The following COL22A1 variants were observed in gnomAD, a reference collection of about 807,000 sequenced individuals.
The protein encoded by COL22A1 is collagen alpha-1(XXII) chain.
In COL22A1, 221 loss-of-function variants were observed where a neutral mutation model predicts 248.9. The observed-to-expected ratio is 0.89, with a 90% CI of 0.80 to 0.99. COL22A1 has a LOEUF of 0.99. COL22A1 is among the 50% of genes least tolerant of loss of function. The pLI is 0.00. For synonymous variants in COL22A1, 891 were observed against 793.4 expected, an observed-to-expected ratio of 1.12 and a Z score of -2.07; for missense variants, 2,240 against 2,179.0, an observed-to-expected ratio of 1.03 and a Z score of -0.56.
intron 3 of COL22A1, among the ~76,000 whole-genome samples, chr8:138,863,792 AATAG>A (rs1274475655): frequency 4.6e-5 from 7 of 152,176 alleles, no homozygotes; most frequent in Non-Finnish European, 1.5e-5. Context: ...ATTCACTTAT[AATAG>A]ATAATCTACA....
chr8:138,755,533 A>AGCAAAGGTGCTG (rs1281625353), intron 19 of COL22A1, 22 bp from the exon 20 acceptor site: 10 of 1,613,934 alleles, frequency 6.2e-6, no homozygotes, highest in Non-Finnish European at 7.6e-6. Flanking sequence ...AGCAAGCATT[A>AGCAAAGGTGCTG]GCAAAGGTGC....
intron 18 of COL22A1, among the ~76,000 whole-genome samples, chr8:138,759,747 AAAGT>A (rs10553578): frequency 0.61 from 93,063 of 151,480 alleles, 29,312 homozygotes; most frequent in East Asian, 0.92. Flanking sequence ...GATGACCAAT[AAAGT>A]AAGATACAAC....
chr8:138,619,401 C>A, intron 53 of COL22A1, 54 bp downstream of exon 53: 1 of 1,532,000 alleles, frequency 6.5e-7, no homozygotes, highest in Non-Finnish European at 9.0e-7. Context: ...GTGGTGAGAG[C>A]CATGTAGCTG....
intron 39 of COL22A1, among the ~76,000 whole-genome samples, chr8:138,682,775 C>T (rs1826057665): frequency 1.3e-5 from 2 of 152,328 alleles, no homozygotes; most frequent in African/African-American, 4.8e-5. Context: ...TCTCAGCTCA[C>T]TGCAACCTCC....
intron 3 of COL22A1, among the ~76,000 whole-genome samples, chr8:138,871,662 A>G (rs577501888): frequency 4.5e-4 from 68 of 152,340 alleles, no homozygotes; most frequent in Non-Finnish European, 9.0e-4. Flanking sequence ...AGTACCTGAA[A>G]GATAATAGAA....
intron 40 of COL22A1, among the ~76,000 whole-genome samples, chr8:138,678,495 A>C (rs1825732342): frequency 6.6e-6 from 1 of 152,196 alleles, no homozygotes; most frequent in Non-Finnish European, 1.5e-5. Context: ...ATATGATATG[A>C]ATGGTTCTTG....
chr8:138,844,191 A>T (rs1271793959), intron 3 of COL22A1, 33 bp from the exon 4 acceptor site: 5 of 1,598,194 alleles, frequency 3.1e-6, no homozygotes, highest in African/African-American at 2.7e-5. Flanking sequence ...GAGACTGATG[A>T]GAAAATGTGA....
intron 3 of COL22A1, among the ~76,000 whole-genome samples, chr8:138,847,299 C>A: frequency 6.6e-6 from 1 of 152,304 alleles, no homozygotes; most frequent in East Asian, 1.9e-4. Flanking sequence ...GGGGAGCCTC[C>A]CAGGCATGGG....
chr8:138,852,806 C>G (rs73368821), intron 3 of COL22A1, among the ~76,000 whole-genome samples: 1,931 of 151,982 alleles, frequency 0.013, 43 homozygotes, highest in African/African-American at 0.045. Context: ...GTGTTTCACG[C>G]AGCAGGGAGC....
In COL22A1 at chr8:138,588,513, C is replaced by T. The variant is rs1816784548; in HGVS notation, c.*740G>A. The T allele has an allele frequency of 6.6e-6, 1 of 152,210 alleles. No homozygotes were observed. Among genetic ancestry groups the T allele is most frequent in the Non-Finnish European group, 1.5e-5 (1 of 68,054 alleles). The allele number at this position is 152,210 out of a possible 1,614,324, so 9.4% of individuals were successfully genotyped here. A position where few individuals can be genotyped will look rare whatever the true frequency, so the allele number is the denominator to read the frequency against. ...AGACAAATTAACACTCAAGGGCTGC[C>T]TCTTCAACATAGGTTTTCCCATCTT... On this transcript the variant is annotated 3_prime_UTR_variant, in exon 65 of 65. Transcript: ENST00000303045.
At chr8:138,664,207 GCGCACACACACACACACACACA>G (rs1209295727) in intron 41 of COL22A1, among the ~76,000 whole-genome samples, 3 of 87,560 alleles carry the variant, frequency 3.4e-5, no homozygotes, top group African/African-American at 1.1e-4. Flanking sequence ...GCGCGCGCGC[GCGCACACACACACACACACACA>G]CACACACACA....
chr8:138,762,358 T>A, intron 17 of COL22A1, 55 bp downstream of exon 17: 1 of 1,557,532 alleles, frequency 6.4e-7, no homozygotes, highest in Non-Finnish European at 8.9e-7. Context: ...GTCTGGTCAT[T>A]CCCATCCTCT....
At chr8:138,817,379 C>T (rs999740182) in intron 7 of COL22A1, among the ~76,000 whole-genome samples, 2 of 152,126 alleles carry the variant, frequency 1.3e-5, no homozygotes, top group African/African-American at 4.8e-5. Flanking sequence ...TGCCACCAGT[C>T]CTTGGCGGAG....
chr8:138,728,155 C>T (rs1195960736), intron 23 of COL22A1, among the ~76,000 whole-genome samples: 1 of 152,152 alleles, frequency 6.6e-6, no homozygotes. Context: ...GCCTCAGCCT[C>T]CTGAGTAGCT....
chr8:138,718,839 G>GT (rs1829646609), intron 27 of COL22A1, among the ~76,000 whole-genome samples: 1 of 152,196 alleles, frequency 6.6e-6, no homozygotes, highest in African/African-American at 2.4e-5. Flanking sequence ...TCAACCATGA[G>GT]TGATGATCAG....
intron 16 of COL22A1, among the ~76,000 whole-genome samples, chr8:138,774,572 C>G (rs1814232982): frequency 6.6e-6 from 1 of 152,022 alleles, no homozygotes; most frequent in Admixed American, 6.6e-5. Context: ...GCGCCCGCCA[C>G]CAAGCCCGGC....
intron 3 of COL22A1, among the ~76,000 whole-genome samples, chr8:138,846,509 G>T (rs561142973): frequency 2.6e-5 from 4 of 152,272 alleles, no homozygotes; most frequent in Admixed American, 2.0e-4. Context: ...TCCCTCTGGG[G>T]CCATCACTAA....
At chr8:138,679,106 T>C (rs1825775630) in intron 40 of COL22A1, among the ~76,000 whole-genome samples, 1 of 152,050 alleles carries the variant, frequency 6.6e-6, no homozygotes. Context: ...TTTATAGGGA[T>C]AGGGTCTCAT....
chr8:138,781,999 T>C (rs1294745897), intron 12 of COL22A1, among the ~76,000 whole-genome samples: 1 of 152,260 alleles, frequency 6.6e-6, no homozygotes, highest in Non-Finnish European at 1.5e-5. Flanking sequence ...CTATGAGATA[T>C]GTATTATTTT....
Sources: allele counts gnomAD v4.1 joint callset (sites outside exome capture counted in the v4.1 genomes callset), GRCh38; gene constraint gnomAD v4.1.1; transcripts MANE v1.5; gene names NCBI Gene and HGNC (gene_info 2026-07-23, HGNC 2026-07-21).